The following SAMD12 variants were observed in gnomAD, a reference collection of about 807,000 sequenced individuals.
SAMD12 encodes sterile alpha motif domain-containing protein 12.
A neutral mutation model predicts 15.0 loss-of-function variants in SAMD12; 9 were observed. The observed-to-expected ratio is 0.60, with a 90% confidence interval of 0.36 to 1.05. The LOEUF (loss-of-function observed/expected upper bound fraction) is 1.05, where lower values mean the gene tolerates loss of function less well. Ranked by LOEUF, SAMD12 falls within the 50% of genes least tolerant of loss-of-function variation. The probability of loss-of-function intolerance (pLI) is 0.01; values close to 1 mark genes in which losing one functional copy is unlikely to be tolerated. For synonymous variants in SAMD12, 86 were observed against 90.1 expected, an observed-to-expected ratio of 0.96 and a Z score of 0.25; for missense variants, 230 against 234.2, an observed-to-expected ratio of 0.98 and a Z score of 0.12.
At chr8:118,597,736 C>A (rs1827758936) in intron 1 of SAMD12, among the ~76,000 whole-genome samples, 1 of 152,240 alleles carries the variant, frequency 6.6e-6, no homozygotes, top group African/African-American at 2.4e-5. Context: ...CAAGCCTCCA[C>A]CTAACCATCA....
chr8:118,516,398 T>C (rs1161520778), intron 2 of SAMD12, among the ~76,000 whole-genome samples: 4 of 152,192 alleles, frequency 2.6e-5, no homozygotes, highest in Non-Finnish European at 5.9e-5. Context: ...TTGTATAATG[T>C]TTACAATGTT....
At chr8:118,546,193 C>A (rs1188535291) in intron 2 of SAMD12, among the ~76,000 whole-genome samples, 2 of 152,214 alleles carry the variant, frequency 1.3e-5, no homozygotes, top group Admixed American at 6.5e-5. Flanking sequence ...CTAAACCAAG[C>A]CTTAGGTGGT....
intron 4 of SAMD12, among the ~76,000 whole-genome samples, chr8:118,321,147 ATAT>A (rs1816247735): frequency 3.1e-4 from 2 of 6,430 alleles, no homozygotes; most frequent in Non-Finnish European, 1.8e-3. Context: ...GATAATAAAT[ATAT>A]ATATATATAT....
rs574817604 is a variant in SAMD12 at position 118,495,619 on chromosome 8, A to G, written c.193-55658T>C. ...TTTGGTTAAGAGAATGGGAACCTTG[A>G]TCCCGCTGCCTGGATGAACTCCACG... On this transcript the variant is annotated intron_variant, in intron 2 of 3. Coordinates refer to ENST00000314727, the MANE Select transcript of SAMD12 (RefSeq NM_207506.3). Among the ~76,000 whole-genome samples, 64 of 150,050 alleles carry G rather than the reference A, an allele frequency of 4.3e-4. 3 individuals are homozygous for G. The South Asian group carries it at 0.013, about 31-fold the overall frequency.
intron 1 of SAMD12, among the ~76,000 whole-genome samples, chr8:118,607,938 A>G (rs960695750): frequency 6.6e-6 from 1 of 152,172 alleles, no homozygotes; most frequent in Non-Finnish European, 1.5e-5. Flanking sequence ...TACATAGTCT[A>G]TAAACACTGT....
At chr8:118,419,803 C>T (rs961778225) in intron 3 of SAMD12, among the ~76,000 whole-genome samples, 4 of 152,150 alleles carry the variant, frequency 2.6e-5, no homozygotes, top group African/African-American at 9.7e-5. Context: ...ACATGCTTCA[C>T]CATCCCCTGA....
At chr8:118,186,494 A>G (rs1206889302), downstream of SAMD12, among the ~76,000 whole-genome samples, 1 of 152,084 alleles carries the variant, frequency 6.6e-6, no homozygotes, top group Non-Finnish European at 1.5e-5. Context: ...CACAAGGCTT[A>G]CTTACTGGAA....
the SAMD12 span, among the ~76,000 whole-genome samples, chr8:118,158,797 T>C: frequency 6.6e-6 from 1 of 152,198 alleles, no homozygotes; most frequent in South Asian, 2.1e-4. Context: ...AATGATGGGA[T>C]GACTTACCTG....
chr8:118,443,798 C>A lies in SAMD12; in HGVS notation c.193-3837G>T, dbSNP rs550857632. 1.6e-4 allele frequency among the ~76,000 whole-genome samples: 24 copies of A among 152,266 alleles called. No homozygotes were observed. In the South Asian group the frequency reaches 4.8e-3, roughly 30 times the overall value. On this transcript the variant is annotated intron_variant, in intron 2 of 3. Transcript: ENST00000314727. ...TCCAGGGTCAATCTCAGTTACTCCC[C>A]CTTCCATCAACATTTCCTCCATCCC...
chr8:118,142,386 C>G, the SAMD12 span, among the ~76,000 whole-genome samples: 1 of 152,182 alleles, frequency 6.6e-6, no homozygotes, highest in South Asian at 2.1e-4. Context: ...CCTTCTATCA[C>G]CTAATGTCTC....
chr8:118,366,269 C>T (rs1332977043), intron 4 of SAMD12, among the ~76,000 whole-genome samples: 3 of 152,170 alleles, frequency 2.0e-5, no homozygotes, highest in Non-Finnish European at 2.9e-5. Context: ...TTTTCTGACA[C>T]ATTTCTTCTA....
intron 2 of SAMD12, among the ~76,000 whole-genome samples, chr8:118,465,032 C>A (rs1482798569): frequency 6.6e-6 from 1 of 152,178 alleles, no homozygotes; most frequent in Non-Finnish European, 1.5e-5. Flanking sequence ...TTCTCCATGC[C>A]TGCAGGGTAA....
At chr8:118,614,537 A>G (rs1224924453) in intron 1 of SAMD12, among the ~76,000 whole-genome samples, 1 of 152,208 alleles carries the variant, frequency 6.6e-6, no homozygotes, top group African/African-American at 2.4e-5. Context: ...TCTGTACCCC[A>G]GGTCTCAAGG....
intron 2 of SAMD12, among the ~76,000 whole-genome samples, chr8:118,468,435 A>G (rs1823659871): frequency 6.6e-6 from 1 of 152,210 alleles, no homozygotes; most frequent in Admixed American, 6.5e-5. Flanking sequence ...CCATTGGCTC[A>G]GAAATGCCTC....
At chr8:118,340,428 GTA>G (rs1817298859) in intron 4 of SAMD12, among the ~76,000 whole-genome samples, 1 of 151,984 alleles carries the variant, frequency 6.6e-6, no homozygotes, top group Admixed American at 6.6e-5. Flanking sequence ...ATTTTGTCAT[GTA>G]TATACTCATA....
chr8:118,570,076 T>C (rs1361660773), intron 2 of SAMD12, among the ~76,000 whole-genome samples: 5 of 152,104 alleles, frequency 3.3e-5, no homozygotes, highest in African/African-American at 1.2e-4. Flanking sequence ...GGGGCAGAAA[T>C]CACGGGAGCC....
intron 4 of SAMD12, among the ~76,000 whole-genome samples, chr8:118,227,054 GA>G: frequency 6.6e-6 from 1 of 152,116 alleles, no homozygotes; most frequent in Non-Finnish European, 1.5e-5. Flanking sequence ...CTGCCATAAA[GA>G]CACATGTATG....
At chr8:118,589,546 T>C (rs1291662247) in intron 1 of SAMD12, among the ~76,000 whole-genome samples, 2 of 152,212 alleles carry the variant, frequency 1.3e-5, no homozygotes, top group African/African-American at 4.8e-5. Context: ...GCAGAATCAG[T>C]AAAGTGGGGA....
chr8:118,461,242 C>G (rs1366759447), intron 2 of SAMD12, among the ~76,000 whole-genome samples: 1 of 152,228 alleles, frequency 6.6e-6, no homozygotes. Context: ...TCCATCATTT[C>G]CATACTTCGC....
Sources: allele counts gnomAD v4.1 joint callset (sites outside exome capture counted in the v4.1 genomes callset), GRCh38; gene constraint gnomAD v4.1.1; transcripts MANE v1.5; gene names NCBI Gene and HGNC (gene_info 2026-07-23, HGNC 2026-07-21).